Variants in PLCG2 observed in about 807,000 individuals in gnomAD.
The protein encoded by PLCG2 is phospholipase C gamma 2.
Under a neutral mutation model 175.6 loss-of-function variants are expected in PLCG2, and 69 were observed. The observed-to-expected ratio is 0.39, with a 90% CI of 0.32 to 0.48. The LOEUF (loss-of-function observed/expected upper bound fraction) is 0.48. Ranked by LOEUF, PLCG2 falls within the 20% of genes least tolerant of loss-of-function variation. The probability of loss-of-function intolerance (pLI) is 0.91; values close to 1 mark genes in which losing one functional copy is unlikely to be tolerated. For synonymous variants in PLCG2, 827 were observed against 624.0 expected (o/e 1.33, Z -4.85); for missense variants, 1,798 against 1,650.9 (o/e 1.09, Z -1.54).
intron 9 of PLCG2, among the ~76,000 whole-genome samples, chr16:81,886,737 A>G (rs1455130382): frequency 6.6e-6 from 1 of 152,176 alleles, no homozygotes; most frequent in Non-Finnish European, 1.5e-5. Context: ...CTGTTTCCCC[A>G]TTTATATAAC....
chr16:81,909,159 C>A (rs1159142163), intron 17 of PLCG2, among the ~76,000 whole-genome samples: 1 of 152,242 alleles, frequency 6.6e-6, no homozygotes, highest in Non-Finnish European at 1.5e-5. Flanking sequence ...ATGTCTTTGT[C>A]CTCCTGGACA....
intron 2 of PLCG2, among the ~76,000 whole-genome samples, chr16:81,819,385 G>A (rs4640175): frequency 0.62 from 94,070 of 151,294 alleles, 30,201 homozygotes; most frequent in East Asian, 0.91. Context: ...TGAGGCGAGG[G>A]AGCTCCTGCG....
intron 2 of PLCG2, chr16:81,798,536 A>AC (rs1784423233): frequency 6.6e-6 from 1 of 152,216 alleles, no homozygotes; most frequent in African/African-American, 2.4e-5. Flanking sequence ...CAGTGATGAT[A>AC]CCACATCACA....
chr16:81,917,748 G>C (rs1909901667), intron 19 of PLCG2, among the ~76,000 whole-genome samples: 1 of 152,094 alleles, frequency 6.6e-6, no homozygotes, highest in Non-Finnish European at 1.5e-5. Context: ...TTGAGATGGA[G>C]TCTTGCTCTG....
chr16:81,865,223 C>G (rs1208476325), intron 5 of PLCG2, among the ~76,000 whole-genome samples: 2 of 152,098 alleles, frequency 1.3e-5, no homozygotes, highest in Non-Finnish European at 2.9e-5. Flanking sequence ...GGGGCTTTGA[C>G]CTGGGCGAGG....
At position 81,958,258 on chromosome 16, in the gene PLCG2, T is replaced by G; in HGVS notation, c.*260T>G. 2.0e-6 allele frequency: 1 copy of G among 497,362 alleles called. No individual in the cohort carries two copies. Among genetic ancestry groups the G allele is most frequent in the Non-Finnish European group, 3.6e-6 (1 of 276,302 alleles). 30.8% of individuals were successfully genotyped at this position (497,362 alleles called of 1,614,324 possible). On this transcript the variant is annotated 3_prime_UTR_variant, in exon 33 of 33. Transcript: ENST00000564138. The stretch of plus-strand genomic sequence containing the variant: ...GCTCCTCATTTTTGGCCTCTCATGT[T>G]CCAAACCTCATTGAATAAAAGCAAT...
intron 2 of PLCG2, among the ~76,000 whole-genome samples, chr16:81,822,358 A>T (rs1341931472): frequency 6.6e-6 from 1 of 152,182 alleles, no homozygotes; most frequent in East Asian, 1.9e-4. Flanking sequence ...ATGTCATGTT[A>T]CTTGGTAAAG....
At chr16:81,752,692 C>A (rs899613266) in intron 1 of PLCG2, among the ~76,000 whole-genome samples, 9 of 152,230 alleles carry the variant, frequency 5.9e-5, no homozygotes, top group Non-Finnish European at 1.0e-4. Context: ...CTGCTTCCAG[C>A]AACTTCCATG....
At chr16:81,874,948 G>GTTTTTTTTTTTTTTTTT (rs770994063) in intron 7 of PLCG2, among the ~76,000 whole-genome samples, 8 of 40,766 alleles carry the variant, frequency 2.0e-4, no homozygotes, top group Admixed American at 3.2e-4. Context: ...TATCCTATGT[G>GTTTTTTTTTTTTTTTTT]TTTTTTTTTT....
intron 27 of PLCG2, among the ~76,000 whole-genome samples, chr16:81,937,138 C>G (rs1048868515): frequency 6.6e-6 from 1 of 152,224 alleles, no homozygotes; most frequent in African/African-American, 2.4e-5. Context: ...CTGAGCTAAG[C>G]CACACTGCCA....
Position 81,844,793 on chromosome 16 carries a change from C to T in PLCG2, c.194-9651C>T, listed in dbSNP as rs1307516444. Among the ~76,000 whole-genome samples, 5 of 152,262 alleles carry T rather than the reference C, an allele frequency of 3.3e-5. No homozygotes were observed. The South Asian group carries it at 8.3e-4, about 25-fold the overall frequency. ...CTTGTATATAATATGTACATGTACA[C>T]ATGGCCATGTATGTGTGTACACACA... is the stretch of plus-strand genomic sequence containing the variant. On this transcript the variant is annotated intron_variant, in intron 2 of 32. Coordinates refer to ENST00000564138, the MANE Select transcript of PLCG2 (RefSeq NM_002661.5).
chr16:81,835,630 T>C (rs1334241249), intron 2 of PLCG2, among the ~76,000 whole-genome samples: 1 of 151,988 alleles, frequency 6.6e-6, no homozygotes, highest in Non-Finnish European at 1.5e-5. Flanking sequence ...TTGAAGATAA[T>C]AGGAAAACCA....
At chr16:81,740,740 A>AC (rs1440476343) in intron 1 of PLCG2, among the ~76,000 whole-genome samples, 1 of 118,526 alleles carries the variant, frequency 8.4e-6, no homozygotes, top group Non-Finnish European at 1.8e-5. Context: ...AAAAAAAAAA[A>AC]AAAAAAAAAA....
At chr16:81,739,378 C>T (rs544231406) in exon 1 of PLCG2, 1 of 152,140 alleles carries the variant, frequency 6.6e-6, no homozygotes, top group East Asian at 1.9e-4. Flanking sequence ...GTGGCAGTGG[C>T]AAGGTTGGTG....
At chr16:81,945,976 CCAGT>C (rs948318200) in intron 30 of PLCG2, among the ~76,000 whole-genome samples, 195 bp from the exon 31 acceptor site, 15 of 152,264 alleles carry the variant, frequency 9.9e-5, no homozygotes, top group African/African-American at 2.9e-4. Flanking sequence ...CCTGTATGGA[CCAGT>C]CAGTCATGGC....
chr16:81,788,937 G>C (rs899458733), intron 2 of PLCG2, among the ~76,000 whole-genome samples: 9 of 152,182 alleles, frequency 5.9e-5, no homozygotes, highest in African/African-American at 2.2e-4. Context: ...GGTAAATACA[G>C]ATGGGCCACG....
intron 2 of PLCG2, among the ~76,000 whole-genome samples, chr16:81,798,026 C>T (rs999373842): frequency 6.6e-6 from 1 of 151,916 alleles, no homozygotes; most frequent in Non-Finnish European, 1.5e-5. Context: ...AGATGGGGTT[C>T]CACCATGTTG....
intron 29 of PLCG2, among the ~76,000 whole-genome samples, 195 bp downstream of exon 29, chr16:81,939,110 C>T (rs1411536163): frequency 6.6e-6 from 1 of 152,150 alleles, no homozygotes; most frequent in African/African-American, 2.4e-5. Context: ...AGACTTTCCC[C>T]AGTGCTGTTT....
chr16:81,898,955 C>T (rs72820826), intron 13 of PLCG2, among the ~76,000 whole-genome samples: 31,033 of 150,772 alleles, frequency 0.21, 3,844 homozygotes, highest in Non-Finnish European at 0.28. Flanking sequence ...GAGGCTGAGG[C>T]GGGTGGATCA....
Sources: allele counts gnomAD v4.1 joint callset (sites outside exome capture counted in the v4.1 genomes callset), GRCh38; gene constraint gnomAD v4.1.1; transcripts MANE v1.5; gene names NCBI Gene and HGNC (gene_info 2026-07-23, HGNC 2026-07-21).